Variants in SIAH3 observed in about 807,000 individuals in gnomAD.
The protein encoded by SIAH3 is seven in absentia homolog 3.
A neutral mutation model predicts 12.6 loss-of-function variants in SIAH3; 9 were observed. The ratio of observed to expected loss-of-function variants is 0.72; its 90% CI spans 0.43 to 1.25. The LOEUF (loss-of-function observed/expected upper bound fraction) is 1.25, where lower values mean the gene tolerates loss of function less well. SIAH3 is among the 50% of genes most tolerant of loss of function. SIAH3 has a pLI of 0.00. For missense variants in SIAH3, 390 were observed against 365.4 expected (o/e 1.07, Z -0.55); for synonymous variants, 154 against 151.1 (o/e 1.02, Z -0.14).
In SIAH3 at chr13:45,791,595, C is replaced by T. The variant is rs552832331; in HGVS notation, c.136-7538G>A. Among the ~76,000 whole-genome samples, 32 of 152,286 alleles carry T rather than the reference C, an allele frequency of 2.1e-4. No individual in the cohort carries two copies. The South Asian group carries it at 6.4e-3, about 31-fold the overall frequency. On this transcript the variant is annotated intron_variant, in intron 1 of 1. Coordinates refer to ENST00000400405, the MANE Select transcript of SIAH3 (RefSeq NM_198849.3). ...CCCAGAACCCAACAGTGATGGAACA[C>T]AGAAGTCACATTTGACCCTGACCAA...
At chr13:45,828,816 T>C (rs1379746016) in intron 1 of SIAH3, among the ~76,000 whole-genome samples, 1 of 152,220 alleles carries the variant, frequency 6.6e-6, no homozygotes, top group East Asian at 1.9e-4. Flanking sequence ...AGGGGAAACC[T>C]GCTTACCATG....
chr13:45,844,154 G>A (rs1042415945), intron 1 of SIAH3, among the ~76,000 whole-genome samples: 1 of 152,212 alleles, frequency 6.6e-6, no homozygotes, highest in African/African-American at 2.4e-5. Context: ...GTGCTAAGTT[G>A]TGGATTGTGA....
chr13:45,823,406 T>C (rs1950663299), intron 1 of SIAH3, among the ~76,000 whole-genome samples: 1 of 152,238 alleles, frequency 6.6e-6, no homozygotes, highest in Non-Finnish European at 1.5e-5. Flanking sequence ...AGAACCACTA[T>C]AGGCAAGGCA....
chr13:45,813,282 T>A (rs1319677044), intron 1 of SIAH3, among the ~76,000 whole-genome samples: 2 of 152,178 alleles, frequency 1.3e-5, no homozygotes, highest in Non-Finnish European at 2.9e-5. Context: ...GCTCTTTCAG[T>A]CTGTGATGCT....
At chr13:45,839,742 G>T (rs1434837655) in intron 1 of SIAH3, among the ~76,000 whole-genome samples, 2 of 152,234 alleles carry the variant, frequency 1.3e-5, no homozygotes, top group African/African-American at 4.8e-5. Flanking sequence ...TGAGGCAGGA[G>T]AATCGGTTGA....
intron 1 of SIAH3, among the ~76,000 whole-genome samples, chr13:45,808,741 G>A (rs939012772): frequency 1.3e-5 from 2 of 151,648 alleles, no homozygotes; most frequent in East Asian, 3.9e-4. Context: ...TACTTCATAG[G>A]CCCCCCAAAA....
At chr13:45,845,005 G>A (rs1035599345) in intron 1 of SIAH3, among the ~76,000 whole-genome samples, 9 of 152,166 alleles carry the variant, frequency 5.9e-5, no homozygotes, top group African/African-American at 1.9e-4. Context: ...TATAGAAGAA[G>A]TGAAAATGCA....
chr13:45,817,475 T>C (rs969167624), intron 1 of SIAH3, among the ~76,000 whole-genome samples: 4 of 152,218 alleles, frequency 2.6e-5, no homozygotes, highest in African/African-American at 9.6e-5. Context: ...GGAAAAGTCT[T>C]TGCAGATGTG....
chr13:45,789,565 C>A (rs574961146), intron 1 of SIAH3, among the ~76,000 whole-genome samples: 1 of 152,176 alleles, frequency 6.6e-6, no homozygotes, highest in South Asian at 2.1e-4. Flanking sequence ...TGCTACCATA[C>A]CTGGCTAATT....
At position 45,780,487 on chromosome 13, in the gene SIAH3, C is replaced by T. The variant is rs952292147; in HGVS notation, c.*2896G>A. On this transcript the variant is annotated 3_prime_UTR_variant, in exon 2 of 2. Transcript: ENST00000400405. ...CTCGCTATATTGCCCAGGCTGGTCTCAAACTCCTGAGCTCAAGCAATCCTC... is the reference window on the plus strand; with the variant it reads ...CTCGCTATATTGCCCAGGCTGGTCTTAAACTCCTGAGCTCAAGCAATCCTC... The T allele has an allele frequency of 6.6e-6, 1 of 152,172 alleles. No individual in the cohort carries two copies. The highest frequency in any genetic ancestry group is 2.4e-5 in the African/African-American group (1 of 41,338). 9.4% of individuals were successfully genotyped at this position (152,172 alleles called of 1,614,324 possible). A position where few individuals can be genotyped will look rare whatever the true frequency, so the allele number is the denominator to read the frequency against.
intron 1 of SIAH3, among the ~76,000 whole-genome samples, chr13:45,804,464 G>C (rs1950592143): frequency 6.6e-6 from 1 of 152,082 alleles, no homozygotes; most frequent in Non-Finnish European, 1.5e-5. Flanking sequence ...TTTCTTTTGG[G>C]GTGTTGAAAA....
chr13:45,807,277 T>TAA (rs35328551), intron 1 of SIAH3, among the ~76,000 whole-genome samples: 21 of 142,978 alleles, frequency 1.5e-4, no homozygotes, highest in African/African-American at 5.1e-4. Context: ...ACCAGAATAC[T>TAA]AAAAAAAAAA....
intron 1 of SIAH3, among the ~76,000 whole-genome samples, chr13:45,815,277 G>A (rs1410661987): frequency 6.6e-6 from 1 of 151,920 alleles, no homozygotes; most frequent in African/African-American, 2.4e-5. Flanking sequence ...ATTTAAGTCA[G>A]TAAGACTTTG....
intron 1 of SIAH3, among the ~76,000 whole-genome samples, chr13:45,792,931 C>G (rs973421741): frequency 6.6e-6 from 1 of 152,054 alleles, no homozygotes; most frequent in Non-Finnish European, 1.5e-5. Flanking sequence ...TTCTTCAAGG[C>G]GACTTTTTGT....
intron 1 of SIAH3, among the ~76,000 whole-genome samples, chr13:45,840,441 T>C (rs954268491): frequency 6.6e-6 from 1 of 151,976 alleles, no homozygotes; most frequent in Non-Finnish European, 1.5e-5. Flanking sequence ...GCTTGGCACT[T>C]AGTAAGTGCT....
chr13:45,800,809 C>A (rs974863392), intron 1 of SIAH3, among the ~76,000 whole-genome samples: 1 of 152,166 alleles, frequency 6.6e-6, no homozygotes, highest in African/African-American at 2.4e-5. Flanking sequence ...TGGGTCACCT[C>A]GTTTGTTGTT....
chr13:45,779,070 T>C lies in SIAH3; in HGVS notation c.*4313A>G, dbSNP rs952558803. Reference sequence around the variant, plus strand: ...TTCCATGGTATGAATACTTCCACCATGGCTAATTTCAAGCAATCACCATGA... The same window carrying C: ...TTCCATGGTATGAATACTTCCACCACGGCTAATTTCAAGCAATCACCATGA... On this transcript the variant is annotated 3_prime_UTR_variant, in exon 2 of 2. Coordinates refer to ENST00000400405, the MANE Select transcript of SIAH3 (RefSeq NM_198849.3). 1.3e-5 allele frequency: 2 copies of C among 152,166 alleles called. No homozygotes were observed. Among genetic ancestry groups the C allele is most frequent in the Non-Finnish European group, 2.9e-5 (2 of 68,022 alleles). 9.4% of individuals were successfully genotyped at this position (152,166 alleles called of 1,614,324 possible). A position where few individuals can be genotyped will look rare whatever the true frequency, so the allele number is the denominator to read the frequency against.
intron 1 of SIAH3, among the ~76,000 whole-genome samples, chr13:45,806,440 A>G (rs1279440590): frequency 6.6e-6 from 1 of 152,214 alleles, no homozygotes; most frequent in East Asian, 1.9e-4. Flanking sequence ...GCTAGAGGCC[A>G]TGATATTAAG....
intron 1 of SIAH3, among the ~76,000 whole-genome samples, chr13:45,823,673 C>T (rs1337411814): frequency 6.6e-6 from 1 of 152,220 alleles, no homozygotes; most frequent in Non-Finnish European, 1.5e-5. Context: ...TGAAGCCTGT[C>T]CTGCTTCTCA....
Sources: allele counts gnomAD v4.1 joint callset (sites outside exome capture counted in the v4.1 genomes callset), GRCh38; gene constraint gnomAD v4.1.1; transcripts MANE v1.5; gene names NCBI Gene and HGNC (gene_info 2026-07-23, HGNC 2026-07-21).